Variants in NVL observed in about 807,000 individuals in gnomAD.
NVL encodes the protein nuclear valosin-containing protein-like.
Under a neutral mutation model 110.2 loss-of-function variants are expected in NVL, and 84 were observed. The observed-to-expected ratio is 0.76, with a 90% CI of 0.64 to 0.91. NVL has a LOEUF of 0.91. NVL is among the 40% of genes least tolerant of loss of function. NVL has a pLI of 0.00. For synonymous variants in NVL, 354 were observed against 361.1 expected, an observed-to-expected ratio of 0.98 and a Z score of 0.22; for missense variants, 882 against 1,035.9, an observed-to-expected ratio of 0.85 and a Z score of 2.04.
In NVL at chr1:224,294,249, CA is replaced by C. The variant is rs768463812; in HGVS notation, c.1325+17del. ...AGATGACTTAGTGGCATACAAACTT[CA>C]TTCTATAAGAATATACCTTTCCCTG... is the stretch of plus-strand genomic sequence containing the variant. On this transcript the variant is annotated intron_variant, in intron 12 of 22. Transcript: ENST00000281701. 1.8e-4 allele frequency: 286 copies of C among 1,613,674 alleles called. No homozygotes were observed. Among genetic ancestry groups the C allele is most frequent in the Non-Finnish European group, 2.2e-4 (265 of 1,179,952 alleles).
intron 18 of NVL, among the ~76,000 whole-genome samples, chr1:224,260,211 A>C (rs925394620): frequency 3.9e-5 from 6 of 152,222 alleles, no homozygotes; most frequent in Non-Finnish European, 5.9e-5. Flanking sequence ...AGTGGTAAAT[A>C]TCTTAGTACA....
intron 18 of NVL, among the ~76,000 whole-genome samples, chr1:224,251,842 C>G (rs907874740): frequency 6.6e-6 from 1 of 152,068 alleles, no homozygotes; most frequent in African/African-American, 2.4e-5. Context: ...CCTCTGATTA[C>G]GTCAACCCTC....
At chr1:224,287,199 T>C (rs1356487667) in intron 14 of NVL, among the ~76,000 whole-genome samples, 2 of 152,130 alleles carry the variant, frequency 1.3e-5, no homozygotes, top group African/African-American at 4.8e-5. Flanking sequence ...TTCTCACTCA[T>C]AGTGGGAGCT....
intron 17 of NVL, among the ~76,000 whole-genome samples, chr1:224,272,990 C>T (rs1292900599): frequency 1.4e-5 from 2 of 144,562 alleles, no homozygotes; most frequent in South Asian, 2.3e-4. Context: ...GCCGAGATCC[C>T]GCCACTGCAC....
intron 7 of NVL, 82 bp from the exon 8 acceptor site, chr1:224,304,894 A>G: frequency 6.7e-7 from 1 of 1,491,134 alleles, no homozygotes; most frequent in South Asian, 1.2e-5. Context: ...TTAAGTAAAC[A>G]AAGGTCCATT....
chr1:224,285,878 T>C, intron 15 of NVL, 148 bp downstream of exon 15: 1 of 576,456 alleles, frequency 1.7e-6, no homozygotes. Flanking sequence ...TAGGAAACTT[T>C]AATGAAGAAA....
At chr1:224,294,906 G>A (rs374374046) in intron 11 of NVL, among the ~76,000 whole-genome samples, 11 of 152,356 alleles carry the variant, frequency 7.2e-5, no homozygotes, top group South Asian at 2.1e-4. Context: ...GGCAAGGTGA[G>A]CAGGACAACA....
chr1:224,278,226 CTTTTTTT>C (rs931102981), intron 16 of NVL, among the ~76,000 whole-genome samples: 2 of 111,132 alleles, frequency 1.8e-5, no homozygotes, highest in Non-Finnish European at 3.6e-5. Flanking sequence ...ATCATCTAAT[CTTTTTTT>C]TTTTTTTTTT....
At chr1:224,249,614 G>A (rs942585856) in intron 19 of NVL, among the ~76,000 whole-genome samples, 2 of 152,116 alleles carry the variant, frequency 1.3e-5, no homozygotes, top group Admixed American at 1.3e-4. Context: ...ACGTGGTGGC[G>A]AGCACCTGTA....
intron 17 of NVL, among the ~76,000 whole-genome samples, chr1:224,269,547 A>G (rs1201462720): frequency 7.2e-5 from 11 of 152,204 alleles, no homozygotes; most frequent in Non-Finnish European, 4.4e-5. Context: ...TACCTCAGCA[A>G]TATCTAAGTG....
At position 224,233,263 on chromosome 1, in the gene NVL, C is replaced by T. The variant is rs1293784387; in HGVS notation, c.2393G>A (p.Arg798Gln). ...TCTCAGGGCACAGATAGAAGCTTCT[C>T]GTACCAAAGCAGAGAGATCTGCGCC... ...YTGADLSALV[R>Q]EASICALRQE... Residue 798 changes from arginine (R) to glutamine (Q), a missense_variant, in exon 21 of 23, where the codon CGA becomes CAA. Transcript: ENST00000281701. 4.3e-6 allele frequency: 7 copies of T among 1,611,978 alleles called. No homozygotes were observed. Among genetic ancestry groups the T allele is most frequent in the South Asian group, 1.1e-5 (1 of 90,732 alleles).
rs67364238 is a variant in NVL, at chr1:224,273,043, C to CAAAA, written c.2082+2292_2082+2295dup. ...AGCGAGACTCCGTCTCAAAAAAAAA[C>CAAAA]AAAAAAAACAAACAAACAAAAAAAA... On this transcript the variant is annotated intron_variant, in intron 17 of 22. Coordinates refer to ENST00000281701, the MANE Select transcript of NVL (RefSeq NM_002533.4). Among the ~76,000 whole-genome samples the CAAAA allele has an allele frequency of 2.1e-4, 25 of 119,698 alleles. 1 individual carries two copies. The highest frequency in any genetic ancestry group is 8.1e-4 in the African/African-American group (23 of 28,356). 78.5% of individuals were successfully genotyped at this position (119,698 alleles called of 152,430 possible).
chr1:224,237,166 CT>C (rs1660579621), intron 19 of NVL, among the ~76,000 whole-genome samples: 1 of 152,206 alleles, frequency 6.6e-6, no homozygotes, highest in Non-Finnish European at 1.5e-5. Flanking sequence ...GCACCTCGAT[CT>C]TTCCAAAGGT....
chr1:224,267,589 AG>A (rs1214548027), intron 18 of NVL, among the ~76,000 whole-genome samples: 1 of 151,244 alleles, frequency 6.6e-6, no homozygotes, highest in Non-Finnish European at 1.5e-5. Context: ...CAGGAGGCTG[AG>A]GCAGGAGAAT....
At chr1:224,231,891 G>A (rs1659921545) in intron 21 of NVL, among the ~76,000 whole-genome samples, 1 of 151,776 alleles carries the variant, frequency 6.6e-6, no homozygotes, top group Admixed American at 6.6e-5. Flanking sequence ...AAGTGGGTGT[G>A]GTGGCACACG....
intron 5 of NVL, 92 bp from the exon 6 acceptor site, chr1:224,308,355 T>G (rs192876671): frequency 9.5e-5 from 116 of 1,221,910 alleles, no homozygotes; most frequent in Non-Finnish European, 1.3e-4. Context: ...TTTCTATATT[T>G]TGTTTTTTAA....
At chr1:224,234,270 A>C (rs1213248476) in intron 20 of NVL, among the ~76,000 whole-genome samples, 1 of 152,184 alleles carries the variant, frequency 6.6e-6, no homozygotes, top group Admixed American at 6.5e-5. Flanking sequence ...GTTTCACTAC[A>C]TTACAGCTGT....
At chr1:224,311,425 C>G (rs1321650663) in intron 5 of NVL, among the ~76,000 whole-genome samples, 1 of 151,536 alleles carries the variant, frequency 6.6e-6, no homozygotes, top group Non-Finnish European at 1.5e-5. Context: ...GTGGTGCAAT[C>G]ACGGCTCACT....
At chr1:224,299,566 T>A (rs903564690) in intron 10 of NVL, among the ~76,000 whole-genome samples, 1 of 152,220 alleles carries the variant, frequency 6.6e-6, no homozygotes, top group African/African-American at 2.4e-5. Flanking sequence ...ACTAACAACC[T>A]AAAGATGCCA....
Sources: allele counts gnomAD v4.1 joint callset (sites outside exome capture counted in the v4.1 genomes callset), GRCh38; gene constraint gnomAD v4.1.1; transcripts MANE v1.5; gene names NCBI Gene and HGNC (gene_info 2026-07-23, HGNC 2026-07-21).